RASGRP3: variants seen among roughly 807,000 people sequenced by gnomAD.
RASGRP3 encodes ras guanyl-releasing protein 3.
In RASGRP3, 54 loss-of-function variants were observed where a neutral mutation model predicts 82.7. The ratio of observed to expected loss-of-function variants is 0.65; its 90% CI spans 0.52 to 0.82. The LOEUF (loss-of-function observed/expected upper bound fraction) is 0.82. Among genes scored for constraint, RASGRP3 ranks in the 40% least tolerant of loss-of-function variants. The probability of loss-of-function intolerance (pLI) is 0.00; values close to 1 mark genes in which losing one functional copy is unlikely to be tolerated. For missense variants in RASGRP3, 861 were observed against 828.9 expected (o/e 1.04, Z -0.48); for synonymous variants, 309 against 300.5 (o/e 1.03, Z -0.29).
At chr2:33,448,440 A>C (rs555338761) in intron 2 of RASGRP3, among the ~76,000 whole-genome samples, 4 of 146,690 alleles carry the variant, frequency 2.7e-5, no homozygotes, top group African/African-American at 9.7e-5. Flanking sequence ...TGAAGAGATA[A>C]ACAAAATGTG....
chr2:33,480,565 A>G lies in RASGRP3; in HGVS notation c.-261+3858A>G, dbSNP rs112560563. Among the ~76,000 whole-genome samples, 876 of 152,350 alleles carry G rather than the reference A, an allele frequency of 5.7e-3. 6 individuals are homozygous for G. Among genetic ancestry groups the G allele is most frequent in the African/African-American group, 0.02 (838 of 41,576 alleles). On this transcript the variant is annotated intron_variant, in intron 1 of 17. Transcript: ENST00000403687. ...ACTCAGAATCACGACAGAGTCCACAAGTCATACTCTGGAGCTGATTTGAAA... is the reference window on the plus strand; with the variant it reads ...ACTCAGAATCACGACAGAGTCCACAGGTCATACTCTGGAGCTGATTTGAAA...
intron 2 of RASGRP3, among the ~76,000 whole-genome samples, chr2:33,461,294 T>A (rs566601010): frequency 6.6e-6 from 1 of 152,338 alleles, no homozygotes; most frequent in South Asian, 2.1e-4. Context: ...TTTATTTTAT[T>A]TTTTGAGACA....
intron 1 of RASGRP3, among the ~76,000 whole-genome samples, chr2:33,488,868 C>G (rs914801417): frequency 6.6e-6 from 1 of 152,110 alleles, no homozygotes; most frequent in African/African-American, 2.4e-5. Flanking sequence ...CATTTGGAAA[C>G]TGAAAAACTC....
At chr2:33,470,641 A>T (rs983549125) in intron 2 of RASGRP3, among the ~76,000 whole-genome samples, 2 of 152,138 alleles carry the variant, frequency 1.3e-5, no homozygotes, top group African/African-American at 4.8e-5. Context: ...GGCCTCCCAA[A>T]GTGCTGGGAT....
At chr2:33,456,676 T>G (rs73926657) in intron 2 of RASGRP3, among the ~76,000 whole-genome samples, 1,870 of 152,300 alleles carry the variant, frequency 0.012, 36 homozygotes, top group African/African-American at 0.043. Flanking sequence ...TTTGAGGTCT[T>G]GACATATTTA....
chr2:33,547,176 G>T (rs1316676113), intron 13 of RASGRP3, among the ~76,000 whole-genome samples: 1 of 151,668 alleles, frequency 6.6e-6, no homozygotes, highest in Non-Finnish European at 1.5e-5. Context: ...AATACCACAG[G>T]TTCTCACTTC....
chr2:33,471,194 A>G (rs773235736), intron 2 of RASGRP3, among the ~76,000 whole-genome samples: 26 of 149,758 alleles, frequency 1.7e-4, no homozygotes, highest in Non-Finnish European at 2.5e-4. Flanking sequence ...TATTGTGGCA[A>G]TCCAAAAGTT....
chr2:33,454,593 A>G (rs552620295), intron 2 of RASGRP3, among the ~76,000 whole-genome samples: 40 of 152,332 alleles, frequency 2.6e-4, no homozygotes, highest in Non-Finnish European at 5.0e-4. Flanking sequence ...TTGAAACCCC[A>G]TTAAGAAGAG....
chr2:33,516,858 T>C, intron 4 of RASGRP3: 1 of 406,894 alleles, frequency 2.5e-6, no homozygotes, highest in Non-Finnish European at 4.4e-6. Context: ...TACTTGAAAA[T>C]AATCACTAAG....
intron 15 of RASGRP3, among the ~76,000 whole-genome samples, chr2:33,556,494 G>T (rs1221157161): frequency 1.1e-5 from 1 of 88,174 alleles, no homozygotes; most frequent in Non-Finnish European, 2.1e-5. Context: ...TGATCCACCC[G>T]CCTCGGCCTC....
chr2:33,527,025 C>T lies in RASGRP3; in HGVS notation c.808-112C>T, dbSNP rs138878707. The T allele has an allele frequency of 4.2e-5, 47 of 1,108,564 alleles. No homozygotes were observed. The Admixed American group carries it at 1.2e-3, about 28-fold the overall frequency. The allele number at this position is 1,108,564 out of a possible 1,614,324, so 68.7% of individuals were successfully genotyped here. ...ATATTTCCCTGCAGCAACATTGGTG[C>T]AAGTGATACTTTTCTCAGTAGCTGA... On this transcript the variant is annotated intron_variant, in intron 9 of 17. Transcript: ENST00000403687.
intron 2 of RASGRP3, among the ~76,000 whole-genome samples, chr2:33,470,027 T>C (rs905299890): frequency 6.6e-6 from 1 of 152,216 alleles, no homozygotes; most frequent in South Asian, 2.1e-4. Flanking sequence ...AAATTCACGT[T>C]ATTTTTAGCC....
chr2:33,488,397 G>T (rs1668575679), intron 1 of RASGRP3, among the ~76,000 whole-genome samples: 1 of 151,330 alleles, frequency 6.6e-6, no homozygotes, highest in South Asian at 2.1e-4. Context: ...AGTAATAATG[G>T]AACACAGAAG....
At position 33,521,982 on chromosome 2, in the gene RASGRP3, C is replaced by T; in HGVS notation, c.396C>T (p.Val132=). The change falls in exon 7 of 18, where the codon GTC becomes GTT. Residue 132 remains valine, a synonymous_variant. Coordinates refer to ENST00000403687, the MANE Select transcript of RASGRP3 (RefSeq NM_001139488.2). ...SIPSYDWMRR[V]TQRKKVSKKG... ...CTTCCTATGACTGGATGAGAAGAGT[C>T]ACACAGAGGAAAAAAGTATCCAAGA... The T allele has an allele frequency of 6.2e-7, 1 of 1,613,576 alleles. No homozygotes were observed.
intron 1 of RASGRP3, among the ~76,000 whole-genome samples, chr2:33,498,599 C>T (rs1669550293): frequency 6.6e-6 from 1 of 152,134 alleles, no homozygotes. Context: ...ATACTTTAAT[C>T]CCAACTTGAA....
chr2:33,555,644 C>G (rs547553290), intron 15 of RASGRP3, 77 bp downstream of exon 15: 2 of 1,249,124 alleles, frequency 1.6e-6, no homozygotes, highest in African/African-American at 3.0e-5. Flanking sequence ...GGTTAAACTA[C>G]AAAAGCTCTT....
intron 1 of RASGRP3, among the ~76,000 whole-genome samples, chr2:33,485,089 T>C (rs1382614530): frequency 6.6e-6 from 1 of 152,102 alleles, no homozygotes; most frequent in Non-Finnish European, 1.5e-5. Flanking sequence ...TCCCAACTAC[T>C]TGGAAGGCTG....
intron 2 of RASGRP3, among the ~76,000 whole-genome samples, chr2:33,461,162 C>G (rs780207977): frequency 2.6e-5 from 4 of 152,214 alleles, no homozygotes; most frequent in Non-Finnish European, 5.9e-5. Flanking sequence ...TTTACCCCAA[C>G]CTAAACTTAT....
At chr2:33,461,526 C>T (rs1480972036) in intron 2 of RASGRP3, among the ~76,000 whole-genome samples, 3 of 152,238 alleles carry the variant, frequency 2.0e-5, no homozygotes, top group Non-Finnish European at 4.4e-5. Context: ...GATCCACCTG[C>T]CTTGGCCTCC....
Sources: allele counts gnomAD v4.1 joint callset (sites outside exome capture counted in the v4.1 genomes callset), GRCh38; gene constraint gnomAD v4.1.1; transcripts MANE v1.5; gene names NCBI Gene and HGNC (gene_info 2026-07-23, HGNC 2026-07-21).